Variants in EDRF1 observed in about 807,000 individuals in gnomAD.
EDRF1 encodes the protein erythroid differentiation-related factor 1.
Under a neutral mutation model 148.7 loss-of-function variants are expected in EDRF1, and 69 were observed. The ratio of observed to expected loss-of-function variants is 0.46; its 90% CI spans 0.38 to 0.57. EDRF1 has a LOEUF of 0.57. EDRF1 is among the 20% of genes least tolerant of loss of function. EDRF1 has a pLI of 0.00. For synonymous variants in EDRF1, 515 were observed against 532.8 expected, an observed-to-expected ratio of 0.97 and a Z score of 0.46; for missense variants, 1,118 against 1,478.7, an observed-to-expected ratio of 0.76 and a Z score of 4.00.
intron 17 of EDRF1, chr10:125,742,772 AT>A (rs1249283478): frequency 1.0e-6 from 1 of 984,838 alleles, no homozygotes; most frequent in East Asian, 1.1e-4. Context: ...CTTTAGGTCC[AT>A]TCTAATAAAC....
chr10:125,738,832 G>A (rs1309638589), intron 15 of EDRF1, among the ~76,000 whole-genome samples: 2 of 152,146 alleles, frequency 1.3e-5, no homozygotes, highest in South Asian at 4.1e-4. Flanking sequence ...AAATGGAGAC[G>A]ATAATAATGG....
Position 125,753,677 on chromosome 10 carries a change from CTT to C in EDRF1, c.3394-13_3394-12del. On this transcript the variant is annotated splice_polypyrimidine_tract_variant and intron_variant, in intron 23 of 24. Transcript: ENST00000356792. Reference sequence around the variant, plus strand: ...TTGTTGGATAGCTCGAGTAAAATAACTTTTTGTTGTTTTTAGCCTAAGAGTGG... The same window carrying C: ...TTGTTGGATAGCTCGAGTAAAATAACTTTGTTGTTTTTAGCCTAAGAGTGG... The C allele has an allele frequency of 6.2e-7, 1 of 1,614,002 alleles. No homozygotes were observed. Among genetic ancestry groups the C allele is most frequent in the Non-Finnish European group, 8.5e-7 (1 of 1,179,986 alleles).
chr10:125,737,155 C>A (rs918339797), intron 13 of EDRF1, among the ~76,000 whole-genome samples: 4 of 152,118 alleles, frequency 2.6e-5, no homozygotes, highest in African/African-American at 9.7e-5. Flanking sequence ...TTACATGTAT[C>A]TGGAAAACTG....
chr10:125,758,704 A>G (rs1850041663), intron 24 of EDRF1, among the ~76,000 whole-genome samples: 2 of 152,158 alleles, frequency 1.3e-5, no homozygotes, highest in South Asian at 2.1e-4. Flanking sequence ...TTTGCACCTT[A>G]GAGAGGGTCT....
intron 23 of EDRF1, 50 bp downstream of exon 23, chr10:125,752,964 T>A: frequency 7.7e-7 from 1 of 1,306,698 alleles, no homozygotes; most frequent in Non-Finnish European, 1.1e-6. Context: ...TTAAGCTACA[T>A]GGTGAATGTA....
chr10:125,730,742 T>G (rs766894710), intron 9 of EDRF1, among the ~76,000 whole-genome samples: 1 of 152,166 alleles, frequency 6.6e-6, no homozygotes, highest in Non-Finnish European at 1.5e-5. Context: ...ACTCAGTACA[T>G]GCAAAGTTTT....
intron 8 of EDRF1, 46 bp from the exon 9 acceptor site, chr10:125,730,242 G>T (rs1349430688): frequency 7.3e-7 from 1 of 1,373,236 alleles, no homozygotes; most frequent in Non-Finnish European, 1.0e-6. Context: ...ATTAATTAAG[G>T]AACATCTTAA....
chr10:125,755,693 C>G (rs1474643379), intron 24 of EDRF1, among the ~76,000 whole-genome samples: 1 of 152,154 alleles, frequency 6.6e-6, no homozygotes. Context: ...ATTACTCAGG[C>G]TGTCTTTTTC....
Position 125,726,602 on chromosome 10 carries a change from C to T in EDRF1, c.792+764C>T, listed in dbSNP as rs573424286. ...CGTCTTCCCTCTTGCTGTTGTGTTC[C>T]CACATATTGAGCACTATTCAACCAG... is the stretch of plus-strand genomic sequence containing the variant. On this transcript the variant is annotated intron_variant, in intron 6 of 24. Coordinates refer to ENST00000356792, the MANE Select transcript of EDRF1 (RefSeq NM_001202438.2). Among the ~76,000 whole-genome samples, 27 of 152,210 alleles carry T rather than the reference C, an allele frequency of 1.8e-4. 1 individual carries two copies. In the South Asian group the frequency reaches 5.2e-3, roughly 29 times the overall value.
chr10:125,725,853 G>A lies in EDRF1; in HGVS notation c.792+15G>A. On this transcript the variant is annotated intron_variant, in intron 6 of 24. Coordinates refer to ENST00000356792, the MANE Select transcript of EDRF1 (RefSeq NM_001202438.2). ...CTTCCAGTCAGGTTAGTACTTAAAT[G>A]CTAATTCTAGAAACTCACATAGGAA... The A allele has an allele frequency of 6.2e-7, 1 of 1,610,214 alleles. No individual in the cohort carries two copies. Among genetic ancestry groups the A allele is most frequent in the South Asian group, 1.1e-5 (1 of 91,026 alleles).
chr10:125,735,802 C>T lies in EDRF1; in HGVS notation c.1656C>T (p.Ser552=). The change falls in exon 13 of 25, where the codon AGC becomes AGT. Residue 552 remains serine, a synonymous_variant. Transcript: ENST00000356792. ...MPDSDENGSY[S]TSSDPSDDSK... ...ACAGTGATGAAAATGGATCCTATAGCACCAGCTCTGATCCATCAGATGATA... is the reference window on the plus strand; with the variant it reads ...ACAGTGATGAAAATGGATCCTATAGTACCAGCTCTGATCCATCAGATGATA... The T allele has an allele frequency of 6.2e-7, 1 of 1,613,674 alleles. No homozygotes were observed. Among genetic ancestry groups the T allele is most frequent in the Non-Finnish European group, 8.5e-7 (1 of 1,179,650 alleles).
At chr10:125,747,414 C>G (rs1849416814) in intron 19 of EDRF1, 122 bp from the exon 20 acceptor site, 1 of 1,132,506 alleles carries the variant, frequency 8.8e-7, no homozygotes, top group Non-Finnish European at 1.3e-6. Flanking sequence ...AATATTGTCT[C>G]TTTATAAATT....
chr10:125,719,976 G>C, intron 1 of EDRF1, 61 bp downstream of exon 1: 1 of 1,471,020 alleles, frequency 6.8e-7, no homozygotes, highest in Non-Finnish European at 9.4e-7. Context: ...CGCTCCACCG[G>C]GGAGGGATGC....
At chr10:125,756,769 G>A (rs1047535122) in intron 24 of EDRF1, 10 of 407,292 alleles carry the variant, frequency 2.5e-5, no homozygotes, top group Admixed American at 3.1e-5. Context: ...TTTCCTATAG[G>A]TGGCAATAGT....
intron 9 of EDRF1, 58 bp from the exon 10 acceptor site, chr10:125,733,346 A>G (rs890585284): frequency 3.2e-5 from 44 of 1,372,460 alleles, no homozygotes; most frequent in Middle Eastern, 5.1e-4. Flanking sequence ...TTAAAAAGAA[A>G]GGTGTTGTTT....
At chr10:125,757,151 G>A in intron 24 of EDRF1, 1 of 337,674 alleles carries the variant, frequency 3.0e-6, no homozygotes, top group Non-Finnish European at 5.7e-6. Context: ...TACAATTGGT[G>A]TCTCTAGACC....
intron 24 of EDRF1, among the ~76,000 whole-genome samples, chr10:125,758,989 T>A (rs1230877689): frequency 6.6e-6 from 1 of 152,144 alleles, no homozygotes; most frequent in Non-Finnish European, 1.5e-5. Flanking sequence ...GTTCATTGTC[T>A]TCCCCCACCC....
rs776036914 is a variant in EDRF1, at chr10:125,725,342, GAGTTTTATCAA to G, written c.538_548del (p.Phe180ThrfsTer3). The stretch of plus-strand genomic sequence containing the variant: ...GACTGGTGACTGGACATGGTTGAAA[GAGTTTTATCAA>G]AGACTCATTGATCAGAAGTGGCAGA... On this transcript the variant is annotated frameshift_variant, in exon 5 of 25. Transcript: ENST00000356792. LOFTEE classifies it high-confidence loss of function. 6.2e-7 allele frequency: 1 copy of G among 1,614,004 alleles called. No individual in the cohort carries two copies. The highest frequency in any genetic ancestry group is 8.5e-7 in the Non-Finnish European group (1 of 1,179,946).
chr10:125,722,321 CTT>C lies in EDRF1; in HGVS notation c.318-745_318-744del, dbSNP rs1199522438. 2.6e-5 allele frequency among the ~76,000 whole-genome samples: 4 copies of C among 152,320 alleles called. No homozygotes were observed. In the East Asian group the frequency reaches 7.7e-4, roughly 29 times the overall value. On this transcript the variant is annotated intron_variant, in intron 2 of 24. Transcript: ENST00000356792. ...ATCTCATTTAATTCTCACAACAACT[CTT>C]TGAGATAGGCACTGTTAATTATATT...
Sources: gnomAD v4.1 joint callset for allele counts (sites outside exome capture counted in the v4.1 genomes callset) on GRCh38, gnomAD v4.1.1 for gene constraint, MANE v1.5 for transcripts, NCBI Gene and HGNC (gene_info 2026-07-23, HGNC 2026-07-21) for gene names.